The following MRM1 variants were observed in gnomAD, a reference collection of about 807,000 sequenced individuals.
MRM1 encodes the protein mitochondrial rRNA methyltransferase 1, also known as rRNA methyltransferase 1, mitochondrial.
In MRM1, 24 loss-of-function variants were observed where a neutral mutation model predicts 25.0. The observed-to-expected ratio is 0.96, with a 90% CI of 0.69 to 1.35. The LOEUF is 1.35. MRM1 is among the 40% of genes most tolerant of loss of function. The pLI, the probability that MRM1 is intolerant of heterozygous loss-of-function variation, is 0.00. For synonymous variants in MRM1, 188 were observed against 199.2 expected (o/e 0.94, Z 0.47); for missense variants, 431 against 464.1 (o/e 0.93, Z 0.65).
the MRM1 span, among the ~76,000 whole-genome samples, chr17:36,629,337 C>T: frequency 1.3e-5 from 2 of 152,170 alleles, no homozygotes; most frequent in Non-Finnish European, 2.9e-5. Context: ...CTAGATTTGG[C>T]GCCCTCTGTG....
downstream of MRM1, among the ~76,000 whole-genome samples, chr17:36,609,412 G>T (rs969934981): frequency 2.0e-4 from 30 of 152,222 alleles, no homozygotes; most frequent in African/African-American, 7.2e-4. Context: ...TGCAGCCAAG[G>T]CTGAGAATCA....
At chr17:36,624,486 G>A in the MRM1 span, among the ~76,000 whole-genome samples, 1 of 145,566 alleles carries the variant, frequency 6.9e-6, no homozygotes, top group Non-Finnish European at 1.5e-5. This position sits in a 1 kb window ranked among gnomAD's most constrained non-coding sequence, Gnocchi z 4.0. Context: ...AAAATGGGAC[G>A]TTAGATGAAC....
At position 36,607,651 on chromosome 17, in the gene MRM1, ATCT is replaced by A; in HGVS notation, c.637-13_637-11del. 1 of 1,601,316 alleles carries A rather than the reference ATCT, an allele frequency of 6.2e-7. No individual in the cohort carries two copies. The highest frequency in any genetic ancestry group is 8.5e-7 in the Non-Finnish European group (1 of 1,175,366). On this transcript the variant is annotated splice_polypyrimidine_tract_variant and intron_variant, in intron 2 of 4. Coordinates refer to ENST00000614766, the MANE Select transcript of MRM1 (RefSeq NM_024864.5). ...TAAAATAAAAAAAGAATTAGAACATATCTTCTTCCCCCTTTCAGACCAAAGCCC... is the reference window on the plus strand; with the variant it reads ...TAAAATAAAAAAAGAATTAGAACATATCTTCCCCCTTTCAGACCAAAGCCC...
In MRM1 at chr17:36,602,964, G is replaced by A; in HGVS notation, c.636+318G>A. ...AGTAAATGCATTTTGTTCAGCTGTG[G>A]GGAGCTGCGTACAGGAGACCTGAGT... On this transcript the variant is annotated intron_variant, in intron 2 of 4. Transcript: ENST00000614766. The surrounding 1 kb of genome is among the most constrained non-coding windows in gnomAD (Gnocchi z 4.1). 1 of 985,400 alleles carries A rather than the reference G, an allele frequency of 1.0e-6. No individual in the cohort carries two copies. Among genetic ancestry groups the A allele is most frequent in the Non-Finnish European group, 1.2e-6 (1 of 829,928 alleles). The allele number at this position is 985,400 out of a possible 1,614,324, so 61.0% of individuals were successfully genotyped here. A position where few individuals can be genotyped will look rare whatever the true frequency, so the allele number is the denominator to read the frequency against.
chr17:36,624,575 C>T, the MRM1 span, among the ~76,000 whole-genome samples: 13,122 of 152,202 alleles, frequency 0.086, 993 homozygotes, highest in Admixed American at 0.25. The surrounding 1 kb of genome is among the most constrained non-coding windows in gnomAD (Gnocchi z 4.0). Context: ...CATAGGAGGC[C>T]GGTGTCTGCT....
rs752810372 is a variant in MRM1 at position 36,608,245 on chromosome 17, ATTC to A, written c.899_901del (p.Leu300del). On this transcript the variant is annotated inframe_deletion, in exon 5 of 5. Transcript: ENST00000614766. ...CCCTTGTCCTTGTGTCTGTGCAGGA[ATTC>A]TTCTTCACTCCATTTGCAGCCAGAG... The A allele has an allele frequency of 1.2e-5, 18 of 1,562,218 alleles. No homozygotes were observed. Among genetic ancestry groups the A allele is most frequent in the Admixed American group, 3.8e-5 (2 of 52,162 alleles).
At chr17:36,606,774 A>ATTTTTTGTGTGTTT (rs2074932541) in intron 2 of MRM1, among the ~76,000 whole-genome samples, 1 of 151,590 alleles carries the variant, frequency 6.6e-6, no homozygotes, top group South Asian at 2.1e-4. Context: ...CACCCAGCTA[A>ATTTTTTGTGTGTTT]TTTTTTGTGT....
At chr17:36,609,801 C>T (rs565304706), downstream of MRM1, among the ~76,000 whole-genome samples, 8 of 152,336 alleles carry the variant, frequency 5.3e-5, no homozygotes, top group Admixed American at 2.6e-4. Flanking sequence ...TAGGAACTCA[C>T]ATGTATTAGG....
rs1433879410 is a variant in MRM1 at position 36,602,843 on chromosome 17, G to A, written c.636+197G>A. The A allele has an allele frequency of 4.9e-5, 39 of 800,938 alleles. No homozygotes were observed. Among genetic ancestry groups the A allele is most frequent in the Non-Finnish European group, 5.7e-5 (38 of 662,094 alleles). 49.6% of individuals were successfully genotyped at this position (800,938 alleles called of 1,614,324 possible). ...GAGCATTAGCTGAATTCTTCCTAGCGTTATACCCTTTCCTGCACCCCTTCC... is the reference window on the plus strand; with the variant it reads ...GAGCATTAGCTGAATTCTTCCTAGCATTATACCCTTTCCTGCACCCCTTCC... On this transcript the variant is annotated intron_variant, in intron 2 of 4. Coordinates refer to ENST00000614766, the MANE Select transcript of MRM1 (RefSeq NM_024864.5). The surrounding 1 kb of genome is among the most constrained non-coding windows in gnomAD (Gnocchi z 4.1).
intron 4 of MRM1, 22 bp from the exon 5 acceptor site, chr17:36,608,221 C>G: frequency 1.3e-6 from 2 of 1,546,634 alleles, no homozygotes; most frequent in Non-Finnish European, 1.7e-6. Context: ...TCCTCTCTTC[C>G]CTTGTCCTTG....
chr17:36,620,912 C>T, the MRM1 span, among the ~76,000 whole-genome samples: 1 of 152,184 alleles, frequency 6.6e-6, no homozygotes, highest in East Asian at 1.9e-4. Context: ...CATCGCCTGC[C>T]AGGTGCTGCT....
In MRM1 at chr17:36,602,914, C is replaced by CT. The variant is rs528932914; in HGVS notation, c.636+269dup. ...CTCTTCTGTAAGTCAGCCTCAGTGT[C>CT]TATTTGCCTACTAGGTCGGGCTTCA... On this transcript the variant is annotated intron_variant, in intron 2 of 4. Coordinates refer to ENST00000614766, the MANE Select transcript of MRM1 (RefSeq NM_024864.5). The surrounding 1 kb of genome is among the most constrained non-coding windows in gnomAD (Gnocchi z 4.1). 4.2e-4 allele frequency: 417 copies of CT among 985,094 alleles called. 1 individual carries two copies. Among genetic ancestry groups the CT allele is most frequent in the Middle Eastern group, 3.1e-3 (6 of 1,914 alleles). 61.0% of individuals were successfully genotyped at this position (985,094 alleles called of 1,614,324 possible).
the MRM1 span, among the ~76,000 whole-genome samples, chr17:36,615,659 C>CAA: frequency 4.6e-5 from 5 of 109,094 alleles, no homozygotes; most frequent in African/African-American, 1.4e-4. Context: ...AACTCCGTCT[C>CAA]AAAAAAAAAA....
chr17:36,614,894 G>A, the MRM1 span, among the ~76,000 whole-genome samples: 1 of 152,210 alleles, frequency 6.6e-6, no homozygotes, highest in Non-Finnish European at 1.5e-5. Context: ...AGCCCATTGG[G>A]GGTGGGTGGA....
chr17:36,613,079 G>C (rs560215161), downstream of MRM1, among the ~76,000 whole-genome samples: 55 of 152,234 alleles, frequency 3.6e-4, 1 homozygote, highest in African/African-American at 1.3e-3. Context: ...AGATGGAAAG[G>C]GTCTAAGAAG....
the MRM1 span, among the ~76,000 whole-genome samples, chr17:36,626,271 G>A: frequency 2.6e-5 from 4 of 152,286 alleles, no homozygotes; most frequent in African/African-American, 9.6e-5. Flanking sequence ...TGAAGATTTG[G>A]GTGAAATGAC....
At chr17:36,624,526 C>T in the MRM1 span, among the ~76,000 whole-genome samples, 7 of 152,286 alleles carry the variant, frequency 4.6e-5, no homozygotes, top group East Asian at 5.8e-4. The surrounding 1 kb of genome is among the most constrained non-coding windows in gnomAD (Gnocchi z 4.0). Context: ...TCAGTACAAC[C>T]GGGTCTCTCA....
At chr17:36,629,887 A>G in the MRM1 span, among the ~76,000 whole-genome samples, 353 of 152,266 alleles carry the variant, frequency 2.3e-3, no homozygotes, top group Middle Eastern at 0.027. Flanking sequence ...CCCTTGGACA[A>G]GGGGGCTGGG....
chr17:36,603,172 C>G (rs548363334), intron 2 of MRM1: 28 of 982,502 alleles, frequency 2.8e-5, no homozygotes, highest in Non-Finnish European at 3.3e-5. Context: ...ACCATACCCC[C>G]CCCAACCCCC....
Sources: gnomAD v4.1 joint callset for allele counts (sites outside exome capture counted in the v4.1 genomes callset) on GRCh38, gnomAD v4.1.1 for gene constraint, Gnocchi (gnomAD v3.1) non-coding constraint, MANE v1.5 for transcripts, NCBI Gene and HGNC (gene_info 2026-07-23, HGNC 2026-07-21) for gene names.